EXOC6: variants seen among roughly 807,000 people sequenced by gnomAD.
The protein encoded by EXOC6 is SEC15-like 1.
Under a neutral mutation model 112.5 loss-of-function variants are expected in EXOC6, and 60 were observed. The ratio of observed to expected loss-of-function variants is 0.53; its 90% CI spans 0.43 to 0.66. The LOEUF (loss-of-function observed/expected upper bound fraction) is 0.66. EXOC6 is among the 30% of genes least tolerant of loss of function. The pLI is 0.00. For missense variants in EXOC6, 855 were observed against 957.1 expected (o/e 0.89, Z 1.41); for synonymous variants, 295 against 308.0 (o/e 0.96, Z 0.44).
chr10:92,868,642 G>A (rs1024891503), intron 1 of EXOC6, among the ~76,000 whole-genome samples: 3 of 152,116 alleles, frequency 2.0e-5, no homozygotes, highest in African/African-American at 7.2e-5. Context: ...GAACAGGCAT[G>A]TTGATGATAT....
intron 5 of EXOC6, 145 bp downstream of exon 5, chr10:92,899,789 G>T (rs1850056374): frequency 3.7e-6 from 2 of 533,950 alleles, no homozygotes; most frequent in Non-Finnish European, 6.6e-6. Flanking sequence ...TGCGCATCAG[G>T]ATAATCCACT....
chr10:92,855,952 C>T (rs2040509810), intron 1 of EXOC6, among the ~76,000 whole-genome samples: 1 of 152,080 alleles, frequency 6.6e-6, no homozygotes, highest in Non-Finnish European at 1.5e-5. Flanking sequence ...GCAACCTCCG[C>T]CTCCTGGGTT....
chr10:92,981,078 AG>A (rs1241084893), intron 18 of EXOC6, among the ~76,000 whole-genome samples: 1 of 152,194 alleles, frequency 6.6e-6, no homozygotes, highest in Non-Finnish European at 1.5e-5. Context: ...AGTATTCTTG[AG>A]GTTCTCTTTT....
chr10:92,946,756 C>T (rs916805996), intron 13 of EXOC6, among the ~76,000 whole-genome samples: 9 of 152,170 alleles, frequency 5.9e-5, no homozygotes, highest in African/African-American at 1.7e-4. Flanking sequence ...TGTGCCTTTG[C>T]GTATATATTC....
chr10:92,958,922 T>C (rs575470854), intron 17 of EXOC6, among the ~76,000 whole-genome samples: 4 of 152,114 alleles, frequency 2.6e-5, no homozygotes, highest in Admixed American at 1.3e-4. Context: ...GGTGAAACCC[T>C]GTCTCTACTA....
intron 1 of EXOC6, among the ~76,000 whole-genome samples, chr10:92,885,058 T>G (rs1188999151): frequency 5.3e-5 from 8 of 152,206 alleles, no homozygotes; most frequent in Admixed American, 5.2e-4. Context: ...TTTTTGTATT[T>G]ATTTTACTAC....
chr10:92,854,736 A>G (rs900256172), intron 1 of EXOC6, among the ~76,000 whole-genome samples: 1 of 152,216 alleles, frequency 6.6e-6, no homozygotes, highest in South Asian at 2.1e-4. Flanking sequence ...AATCCTTTTT[A>G]TATGTTGTTG....
At position 92,896,165 on chromosome 10, in the gene EXOC6, A is replaced by G. The variant is rs1414170177; in HGVS notation, c.412+1145A>G. Among the ~76,000 whole-genome samples the G allele has an allele frequency of 2.8e-3, 62 of 22,168 alleles. 10 individuals carry two copies. Among genetic ancestry groups the G allele is most frequent in the African/African-American group, 0.014 (61 of 4,404 alleles). The allele number at this position is 22,168 out of a possible 152,430, so 14.5% of individuals were successfully genotyped here. On this transcript the variant is annotated intron_variant, in intron 4 of 21. Transcript: ENST00000260762. The stretch of plus-strand genomic sequence containing the variant: ...TGTATGTGTATATATATATATATAT[A>G]TATATATATATATATATTTTTTTTT...
At chr10:92,871,558 G>T (rs1333695217) in intron 1 of EXOC6, among the ~76,000 whole-genome samples, 1 of 150,682 alleles carries the variant, frequency 6.6e-6, no homozygotes, top group African/African-American at 2.5e-5. Context: ...TGTAATCCCA[G>T]CACTTTGGGA....
intron 17 of EXOC6, among the ~76,000 whole-genome samples, chr10:92,959,776 C>T (rs2134034607): frequency 6.6e-6 from 1 of 152,208 alleles, no homozygotes; most frequent in South Asian, 2.1e-4. Flanking sequence ...ATATATATGT[C>T]ATAAGGGAAA....
intron 20 of EXOC6, among the ~76,000 whole-genome samples, chr10:93,048,889 G>T (rs965835055): frequency 6.6e-6 from 1 of 151,662 alleles, no homozygotes; most frequent in Non-Finnish European, 1.5e-5. Flanking sequence ...ATTGCCAAAA[G>T]AATTATTTTA....
intron 20 of EXOC6, among the ~76,000 whole-genome samples, chr10:93,043,691 T>TCTTTTTGTA (rs1422615105): frequency 6.6e-6 from 1 of 152,246 alleles, no homozygotes; most frequent in Non-Finnish European, 1.5e-5. Context: ...GGTAGGGATT[T>TCTTTTTGTA]CTTTTTGTAC....
chr10:93,029,742 T>C (rs1404393207), intron 20 of EXOC6, among the ~76,000 whole-genome samples: 1 of 152,208 alleles, frequency 6.6e-6, no homozygotes, highest in Non-Finnish European at 1.5e-5. Flanking sequence ...TTTTCTTCTG[T>C]AATTTTATTG....
chr10:92,904,350 A>G (rs1199444505), intron 5 of EXOC6, among the ~76,000 whole-genome samples: 3 of 152,038 alleles, frequency 2.0e-5, no homozygotes, highest in African/African-American at 4.8e-5. Context: ...TGGTAAGACT[A>G]TGTTTAGTTT....
chr10:92,905,388 G>A (rs1253720989), intron 5 of EXOC6, among the ~76,000 whole-genome samples: 3 of 151,942 alleles, frequency 2.0e-5, no homozygotes, highest in African/African-American at 7.2e-5. Context: ...ATCAGTTGAT[G>A]ATATTGAGTC....
intron 1 of EXOC6, among the ~76,000 whole-genome samples, chr10:92,881,532 T>C (rs1213092645): frequency 6.6e-6 from 1 of 152,256 alleles, no homozygotes; most frequent in Non-Finnish European, 1.5e-5. Context: ...ATGCCTGTTT[T>C]CTGCACTTCA....
Position 93,058,165 on chromosome 10 carries a change from T to C in EXOC6, c.2283-58T>C, listed in dbSNP as rs1590129755. 3 of 1,526,572 alleles carry C rather than the reference T, an allele frequency of 2.0e-6. No homozygotes were observed. The East Asian group carries it at 7.1e-5, about 36-fold the overall frequency. 94.6% of individuals were successfully genotyped at this position (1,526,572 alleles called of 1,614,324 possible). A position where few individuals can be genotyped will look rare whatever the true frequency, so the allele number is the denominator to read the frequency against. Reference sequence around the variant, plus strand: ...AGAGCATGCCAAGATATTTTACTTGTGACAGCTTAGCTTTTAATTTTCTTT... The same window carrying C: ...AGAGCATGCCAAGATATTTTACTTGCGACAGCTTAGCTTTTAATTTTCTTT... On this transcript the variant is annotated intron_variant, in intron 21 of 21. Transcript: ENST00000260762.
In EXOC6 at chr10:92,932,438, TTA is replaced by T. The variant is rs201284934; in HGVS notation, c.973-1702_973-1701del. ...TACATGTAAAAAAGGGTTAATTTTA[TTA>T]TATGTAAATTGTACCTCAATAAACT... is the stretch of plus-strand genomic sequence containing the variant. On this transcript the variant is annotated intron_variant, in intron 9 of 21. Coordinates refer to ENST00000260762, the MANE Select transcript of EXOC6 (RefSeq NM_019053.6). 2.8e-4 allele frequency among the ~76,000 whole-genome samples: 43 copies of T among 152,298 alleles called. No individual in the cohort carries two copies. The East Asian group carries it at 8.1e-3, about 29-fold the overall frequency.
chr10:92,966,474 T>TC (rs1478699765), intron 17 of EXOC6, among the ~76,000 whole-genome samples: 42 of 130,306 alleles, frequency 3.2e-4, no homozygotes, highest in African/African-American at 1.2e-3. Flanking sequence ...AGTGTGATGT[T>TC]CCCCTTCCTG....
Sources: allele counts gnomAD v4.1 joint callset (sites outside exome capture counted in the v4.1 genomes callset), GRCh38; gene constraint gnomAD v4.1.1; transcripts MANE v1.5; gene names NCBI Gene and HGNC (gene_info 2026-07-23, HGNC 2026-07-21).